The following SPATA6 variants were observed in gnomAD, a reference collection of about 807,000 sequenced individuals.
SPATA6 encodes the protein spermatogenesis-associated protein 6.
Under a neutral mutation model 65.3 loss-of-function variants are expected in SPATA6, and 56 were observed. The ratio of observed to expected loss-of-function variants is 0.86; its 90% confidence interval spans 0.69 to 1.07. SPATA6 has a LOEUF of 1.07. Among genes scored for constraint, SPATA6 ranks in the 50% least tolerant of loss-of-function variants. The pLI is 0.00. For synonymous variants in SPATA6, 199 were observed against 213.2 expected, an observed-to-expected ratio of 0.93 and a Z score of 0.58; for missense variants, 590 against 594.8, an observed-to-expected ratio of 0.99 and a Z score of 0.08.
the SPATA6 span, among the ~76,000 whole-genome samples, chr1:48,279,903 C>G: frequency 2.8e-4 from 42 of 152,230 alleles, no homozygotes; most frequent in African/African-American, 1.0e-3. Flanking sequence ...CACACCACAC[C>G]TATTCCAAAA....
At chr1:48,280,360 C>G in the SPATA6 span, among the ~76,000 whole-genome samples, 1 of 151,926 alleles carries the variant, frequency 6.6e-6, no homozygotes, top group Non-Finnish European at 1.5e-5. Flanking sequence ...AATAGAGACA[C>G]AAAAAACCCT....
chr1:48,457,059 T>A (rs1194096282), intron 1 of SPATA6, among the ~76,000 whole-genome samples: 1 of 150,844 alleles, frequency 6.6e-6, no homozygotes, highest in Non-Finnish European at 1.5e-5. Flanking sequence ...AGTGAGAGCC[T>A]CTCTCTACAG....
At chr1:48,318,787 C>A (rs971321972) in intron 11 of SPATA6, among the ~76,000 whole-genome samples, 1 of 151,932 alleles carries the variant, frequency 6.6e-6, no homozygotes, top group Non-Finnish European at 1.5e-5. Flanking sequence ...AAAATTCATA[C>A]AGAAATGCAA....
At chr1:48,470,235 G>A (rs1442359787) in intron 1 of SPATA6, among the ~76,000 whole-genome samples, 1 of 152,122 alleles carries the variant, frequency 6.6e-6, no homozygotes, top group African/African-American at 2.4e-5. Context: ...CTTCCTCTTA[G>A]AAAGTTTGTA....
In SPATA6 at chr1:48,299,516, G is replaced by GGAAAAAAAAAA. The variant is rs761355984; in HGVS notation, c.1287-624_1287-623insTTTTTTTTTTC. 3.4e-4 allele frequency among the ~76,000 whole-genome samples: 13 copies of GGAAAAAAAAAA among 38,202 alleles called. No homozygotes were observed. The East Asian group carries it at 4.6e-3, about 14-fold the overall frequency. The allele number at this position is 38,202 out of a possible 152,430, so 25.1% of individuals were successfully genotyped here. A position where few individuals can be genotyped will look rare whatever the true frequency, so the allele number is the denominator to read the frequency against. On this transcript the variant is annotated intron_variant, in intron 12 of 12. Coordinates refer to ENST00000371847, the MANE Select transcript of SPATA6 (RefSeq NM_019073.4). ...ACAACAAGAGCAAAACTCCGTCTCG[G>GGAAAAAAAAAA]AAAAAAAAAAAAAAAAAAAAAGAAT... is the stretch of plus-strand genomic sequence containing the variant.
chr1:48,384,081 C>T (rs930422073), intron 9 of SPATA6, among the ~76,000 whole-genome samples: 86 of 149,872 alleles, frequency 5.7e-4, no homozygotes, highest in Non-Finnish European at 8.2e-4. Context: ...CATCTGCAAT[C>T]CCGGCACCTC....
chr1:48,310,049 G>A (rs1461186957), intron 11 of SPATA6, among the ~76,000 whole-genome samples: 4 of 152,176 alleles, frequency 2.6e-5, no homozygotes, highest in Non-Finnish European at 5.9e-5. Flanking sequence ...TAAAATCCCA[G>A]GAATGTGTGG....
At chr1:48,308,437 A>C (rs72891537) in intron 11 of SPATA6, among the ~76,000 whole-genome samples, 3,753 of 152,170 alleles carry the variant, frequency 0.025, 100 homozygotes, top group African/African-American at 0.067. Context: ...ATTTATAATT[A>C]TTGTTTTGTG....
chr1:48,262,970 T>TA, the SPATA6 span: 1 of 152,184 alleles, frequency 6.6e-6, no homozygotes, highest in African/African-American at 2.4e-5. Flanking sequence ...CCATTATCTA[T>TA]ATAGCTTCAT....
intron 8 of SPATA6, among the ~76,000 whole-genome samples, chr1:48,388,795 G>A (rs1557653391): frequency 1.3e-5 from 2 of 151,666 alleles, no homozygotes; most frequent in Admixed American, 6.6e-5. Context: ...TGCAACCTCC[G>A]CCTCCTGGGT....
In SPATA6 at chr1:48,448,785, A is replaced by G. The variant is rs556451679; in HGVS notation, c.238+2767T>C. Among the ~76,000 whole-genome samples the G allele has an allele frequency of 2.6e-5, 4 of 152,334 alleles. No homozygotes were observed. In the South Asian group the frequency reaches 8.3e-4, roughly 32 times the overall value. The stretch of plus-strand genomic sequence containing the variant: ...TACTCTAAATGAAAAGAAGCCAGAG[A>G]AAAAAGATTACATATTATATAACTC... On this transcript the variant is annotated intron_variant, in intron 3 of 12. Transcript: ENST00000371847.
chr1:48,316,858 A>C (rs1427832107), intron 11 of SPATA6, among the ~76,000 whole-genome samples: 1 of 152,262 alleles, frequency 6.6e-6, no homozygotes, highest in East Asian at 1.9e-4. Context: ...CCCATCAAAA[A>C]GTGTGCAAAG....
chr1:48,343,063 A>G (rs1646264372), intron 11 of SPATA6, among the ~76,000 whole-genome samples: 1 of 152,184 alleles, frequency 6.6e-6, no homozygotes, highest in African/African-American at 2.4e-5. Context: ...TAACTTCAAA[A>G]TAACAAAAAA....
chr1:48,310,435 G>C (rs980799378), intron 11 of SPATA6, among the ~76,000 whole-genome samples: 1 of 152,170 alleles, frequency 6.6e-6, no homozygotes, highest in African/African-American at 2.4e-5. Flanking sequence ...ACTCGGTCAA[G>C]TTAAAATGCC....
At chr1:48,397,959 C>T (rs1390643457) in intron 7 of SPATA6, among the ~76,000 whole-genome samples, 2 of 151,412 alleles carry the variant, frequency 1.3e-5, no homozygotes, top group South Asian at 2.1e-4. Flanking sequence ...GTGGCTTACC[C>T]CTAAAATATT....
At chr1:48,398,493 C>T (rs1351057440) in intron 7 of SPATA6, among the ~76,000 whole-genome samples, 3 of 151,634 alleles carry the variant, frequency 2.0e-5, no homozygotes, top group Admixed American at 6.6e-5. Context: ...GAATTAAAGA[C>T]ATTAGTCAGA....
chr1:48,322,249 C>T (rs1645619643), intron 11 of SPATA6, among the ~76,000 whole-genome samples: 1 of 151,890 alleles, frequency 6.6e-6, no homozygotes, highest in East Asian at 1.9e-4. Context: ...GAACAGAGGC[C>T]TCAGAAATAC....
chr1:48,430,887 A>G (rs1051244778), intron 3 of SPATA6, among the ~76,000 whole-genome samples: 12 of 152,188 alleles, frequency 7.9e-5, no homozygotes, highest in African/African-American at 2.7e-4. Flanking sequence ...TAAGGCATAT[A>G]GAAAACCAAT....
downstream of SPATA6, chr1:48,295,262 A>G (rs1266439987): frequency 1.3e-5 from 2 of 152,204 alleles, no homozygotes; most frequent in African/African-American, 2.4e-5. Flanking sequence ...AAATAAAATC[A>G]TATGTCCACA....
Sources: gnomAD v4.1 joint callset for allele counts (sites outside exome capture counted in the v4.1 genomes callset) on GRCh38, gnomAD v4.1.1 for gene constraint, MANE v1.5 for transcripts, NCBI Gene and HGNC (gene_info 2026-07-23, HGNC 2026-07-21) for gene names.